The following MYH15 variants were observed in gnomAD, a reference collection of about 807,000 sequenced individuals.
The protein encoded by MYH15 is myosin heavy chain 15.
MYH15 carries 227 observed loss-of-function variants against 240.5 expected under a neutral mutation model. The ratio of observed to expected loss-of-function variants is 0.94; its 90% CI spans 0.85 to 1.05. MYH15 has a LOEUF of 1.05. Ranked by LOEUF, MYH15 falls within the 50% of genes least tolerant of loss-of-function variation. The pLI is 0.00. For missense variants in MYH15, 2,217 were observed against 2,247.5 expected, an observed-to-expected ratio of 0.99 and a Z score of 0.27; for synonymous variants, 785 against 796.7, an observed-to-expected ratio of 0.99 and a Z score of 0.25.
chr3:108,475,848 A>G (rs2083215355), intron 12 of MYH15, among the ~76,000 whole-genome samples: 1 of 152,196 alleles, frequency 6.6e-6, no homozygotes, highest in African/African-American at 2.4e-5. Flanking sequence ...GCAAAGCCTC[A>G]AAGAATTTGT....
intron 24 of MYH15, 109 bp downstream of exon 24, chr3:108,439,628 T>A (rs1189841299): frequency 1.0e-6 from 1 of 1,004,760 alleles, no homozygotes; most frequent in African/African-American, 1.6e-5. Context: ...GAAAACAAAC[T>A]ATGCTACTAG....
At chr3:108,423,476 C>T (rs929224300) in intron 27 of MYH15, among the ~76,000 whole-genome samples, 3 of 152,152 alleles carry the variant, frequency 2.0e-5, no homozygotes, top group Non-Finnish European at 4.4e-5. Flanking sequence ...ATGTTAAATG[C>T]CAGACATGCT....
upstream of MYH15, among the ~76,000 whole-genome samples, chr3:108,512,444 C>T (rs1358444504): frequency 6.6e-6 from 1 of 152,052 alleles, no homozygotes; most frequent in Non-Finnish European, 1.5e-5. Context: ...TGTCTGGGTC[C>T]TCCTCCTCTC....
intron 27 of MYH15, among the ~76,000 whole-genome samples, chr3:108,426,840 T>C (rs2082728756): frequency 1.3e-5 from 2 of 152,166 alleles, no homozygotes; most frequent in South Asian, 4.1e-4. Context: ...CATGGGGCCC[T>C]GGGGACCCAA....
chr3:108,537,221 G>C, the MYH15 span, among the ~76,000 whole-genome samples: 3 of 152,156 alleles, frequency 2.0e-5, no homozygotes, highest in Non-Finnish European at 4.4e-5. Flanking sequence ...AACAAAGAAA[G>C]AGTAAAGTCA....
At chr3:108,434,185 G>T (rs1392854165) in intron 25 of MYH15, among the ~76,000 whole-genome samples, 1 of 124,436 alleles carries the variant, frequency 8.0e-6, no homozygotes, top group African/African-American at 2.8e-5. Flanking sequence ...ATTGAATTGA[G>T]AATGGTTTTT....
chr3:108,483,664 C>T (rs552060177), intron 11 of MYH15, among the ~76,000 whole-genome samples: 22 of 152,286 alleles, frequency 1.4e-4, no homozygotes, highest in Admixed American at 4.6e-4. Context: ...AGCAGCATTA[C>T]TCACAATAGC....
At chr3:108,488,496 C>A (rs541056387) in intron 9 of MYH15, among the ~76,000 whole-genome samples, 5 of 152,008 alleles carry the variant, frequency 3.3e-5, no homozygotes, top group Non-Finnish European at 7.4e-5. Flanking sequence ...TTTGTAGAAA[C>A]GGGGTCTTGC....
intron 24 of MYH15, among the ~76,000 whole-genome samples, chr3:108,438,202 T>C (rs1295179355): frequency 6.6e-6 from 1 of 152,172 alleles, no homozygotes; most frequent in African/African-American, 2.4e-5. Flanking sequence ...CACTGGCCCA[T>C]TCAAACACAT....
chr3:108,455,733 T>C lies in MYH15; in HGVS notation c.2262+3A>G. 1.9e-6 allele frequency: 3 copies of C among 1,613,564 alleles called. No individual in the cohort carries two copies. The highest frequency in any genetic ancestry group is 2.5e-6 in the Non-Finnish European group (3 of 1,179,616). Reference sequence around the variant, plus strand: ...AATGCATTCTTTGCAGTTTTCTGGTTACCTTAGTGATTCCAAATCGGTACT... The same window carrying C: ...AATGCATTCTTTGCAGTTTTCTGGTCACCTTAGTGATTCCAAATCGGTACT... On this transcript the variant is annotated splice_donor_region_variant and intron_variant, in intron 20 of 40. Coordinates refer to ENST00000693548, the MANE Select transcript of MYH15 (RefSeq NM_014981.3).
In MYH15 at chr3:108,410,959, G is replaced by T. The variant is rs2082588621; in HGVS notation, c.4146-27C>A. 2.6e-6 allele frequency: 4 copies of T among 1,536,776 alleles called. No individual in the cohort carries two copies. The South Asian group carries it at 3.6e-5, about 14-fold the overall frequency. On this transcript the variant is annotated intron_variant, in intron 30 of 40. Transcript: ENST00000693548. ...TGAGAAAGGAGGACACCCAAAGAGT[G>T]AGTGAGGCAATAACTCTCAGAGAGC...
the MYH15 span, among the ~76,000 whole-genome samples, chr3:108,546,383 A>G: frequency 3.0e-3 from 456 of 152,334 alleles, 1 homozygote; most frequent in Non-Finnish European, 4.1e-3. Flanking sequence ...TATGATACTT[A>G]GAATAACAGT....
chr3:108,473,141 G>C (rs545336526), intron 12 of MYH15, among the ~76,000 whole-genome samples: 3 of 152,140 alleles, frequency 2.0e-5, no homozygotes, highest in Non-Finnish European at 4.4e-5. Context: ...CCAAGTGGCT[G>C]GGATTACAAG....
intron 4 of MYH15, 97 bp downstream of exon 4, chr3:108,500,021 G>A: frequency 7.4e-7 from 1 of 1,342,638 alleles, no homozygotes; most frequent in Non-Finnish European, 1.0e-6. Context: ...AACTGTAAAG[G>A]CCATGCTCTG....
chr3:108,540,270 T>C, the MYH15 span, among the ~76,000 whole-genome samples: 1 of 152,232 alleles, frequency 6.6e-6, no homozygotes, highest in Non-Finnish European at 1.5e-5. Context: ...TAAAGTCATG[T>C]GTATTATTTC....
intron 38 of MYH15, among the ~76,000 whole-genome samples, chr3:108,387,691 A>T (rs768868552): frequency 6.6e-5 from 10 of 152,236 alleles, no homozygotes; most frequent in Non-Finnish European, 5.9e-5. Context: ...AAAGTAGAAT[A>T]GCAAACTTTT....
intron 40 of MYH15, among the ~76,000 whole-genome samples, chr3:108,382,087 T>C (rs1331176145): frequency 6.6e-6 from 1 of 152,232 alleles, no homozygotes; most frequent in African/African-American, 2.4e-5. Flanking sequence ...ATGGCATCTG[T>C]TTTGAAGGCC....
intron 11 of MYH15, among the ~76,000 whole-genome samples, chr3:108,476,837 G>A (rs775401304): frequency 2.6e-5 from 4 of 152,168 alleles, no homozygotes; most frequent in Non-Finnish European, 5.9e-5. Flanking sequence ...TGACAAGGAT[G>A]TGGAAAAATG....
intron 29 of MYH15, 116 bp downstream of exon 29, chr3:108,416,696 T>C: frequency 1.2e-6 from 1 of 861,340 alleles, no homozygotes; most frequent in Non-Finnish European, 1.8e-6. Flanking sequence ...CCATAACTTC[T>C]AGGGCATTTT....
Sources: gnomAD v4.1 joint callset for allele counts (sites outside exome capture counted in the v4.1 genomes callset) on GRCh38, gnomAD v4.1.1 for gene constraint, MANE v1.5 for transcripts, NCBI Gene and HGNC (gene_info 2026-07-23, HGNC 2026-07-21) for gene names.